MAP1B: variants seen among roughly 807,000 people sequenced by gnomAD.
The protein encoded by MAP1B is microtubule-associated protein 1B.
Under a neutral mutation model 176.1 loss-of-function variants are expected in MAP1B, and 12 were observed. The ratio of observed to expected loss-of-function variants is 0.07; its 90% CI spans 0.04 to 0.11. MAP1B has a LOEUF of 0.11. Among genes scored for constraint, MAP1B ranks in the 10% least tolerant of loss-of-function variants. The pLI is 1.00. For synonymous variants in MAP1B, 1,044 were observed against 1,135.0 expected, an observed-to-expected ratio of 0.92 and a Z score of 1.61; for missense variants, 2,523 against 2,990.5, an observed-to-expected ratio of 0.84 and a Z score of 3.65.
At chr5:72,112,226 A>G (rs1307004851) in intron 1 of MAP1B, among the ~76,000 whole-genome samples, 1 of 152,224 alleles carries the variant, frequency 6.6e-6, no homozygotes, top group African/African-American at 2.4e-5. Context: ...AACTTGCCAA[A>G]GGCCCAAATA....
At chr5:72,160,218 T>TAAAA (rs11402347) in intron 2 of MAP1B, among the ~76,000 whole-genome samples, 1 of 145,792 alleles carries the variant, frequency 6.9e-6, no homozygotes. Flanking sequence ...GTTGGAAACT[T>TAAAA]AAAAAAAAAA....
chr5:72,107,817 C>A, intron 1 of MAP1B, 102 bp downstream of exon 1: 2 of 1,177,430 alleles, frequency 1.7e-6, no homozygotes, highest in Non-Finnish European at 1.2e-6. Context: ...CGCCCCGCAC[C>A]CATGCCTCTC....
At chr5:72,181,050 T>TA (rs1746752822) in intron 2 of MAP1B, among the ~76,000 whole-genome samples, 1 of 152,148 alleles carries the variant, frequency 6.6e-6, no homozygotes, top group South Asian at 2.1e-4. Context: ...CTTTCGACAG[T>TA]AAAGGGGGAT....
chr5:72,153,930 C>T (rs1271069394), intron 2 of MAP1B, among the ~76,000 whole-genome samples: 2 of 151,970 alleles, frequency 1.3e-5, no homozygotes, highest in Non-Finnish European at 1.5e-5. Context: ...TTCCCTAGGT[C>T]GGGAAGATGA....
In MAP1B at chr5:72,200,251, C is replaced by T. The variant is rs1384907244; in HGVS notation, c.6896C>T (p.Ala2299Val). ...SPKKKESVEK[A>V]AKPTTTPEVK... ...AAGAAGAAAGAATCTGTGGAAAAGG[C>T]AGCAAAACCCACCACCACTCCTGAG... The change falls in exon 5 of 7, where the codon GCA becomes GTA. Residue 2299 changes from alanine (A) to valine (V), a missense_variant. Ala to Val is a moderately conservative substitution (Grantham distance 64). Coordinates refer to ENST00000296755, the MANE Select transcript of MAP1B (RefSeq NM_005909.5). 6.2e-7 allele frequency: 1 copy of T among 1,614,184 alleles called. No individual in the cohort carries two copies. Among genetic ancestry groups the T allele is most frequent in the Non-Finnish European group, 8.5e-7 (1 of 1,180,026 alleles).
intron 2 of MAP1B, among the ~76,000 whole-genome samples, chr5:72,171,424 C>T (rs1746538903): frequency 6.6e-6 from 1 of 151,786 alleles, no homozygotes; most frequent in African/African-American, 2.4e-5. Flanking sequence ...CCCATCTCTA[C>T]AAAAAACAGA....
chr5:72,167,140 A>G (rs1452217500), intron 2 of MAP1B, among the ~76,000 whole-genome samples: 5 of 152,142 alleles, frequency 3.3e-5, no homozygotes, highest in Admixed American at 6.5e-5. Context: ...GAAACAGGGG[A>G]TCCAAATTTA....
intron 2 of MAP1B, among the ~76,000 whole-genome samples, chr5:72,141,983 GC>G (rs1178990600): frequency 6.6e-6 from 1 of 152,126 alleles, no homozygotes; most frequent in Non-Finnish European, 1.5e-5. Flanking sequence ...CTGCAGAGAG[GC>G]CCAGAGGCTA....
At position 72,186,719 on chromosome 5, in the gene MAP1B, T is replaced by G. The variant is rs1323148221; in HGVS notation, c.475T>G (p.Phe159Val). Residue 159 changes from phenylalanine to valine, a missense_variant, in exon 4 of 7, where the codon TTC (phenylalanine) becomes GTC (valine). This residue lies in a region of MAP1B where 307 missense variants were observed against 438.4 expected (regional missense o/e 0.70). Transcript: ENST00000296755. The surrounding 1 kb of genome is among the most constrained non-coding windows in gnomAD (Gnocchi z 4.3). Reference protein sequence around the residue: ...ELILQSGSFSFQNFIEIFTDQ... With the variant: ...ELILQSGSFSVQNFIEIFTDQ... ...CATTCTCCAGTCCGGCTCTTTCTCC[T>G]TCCAGAACTTCATAGAGATTTTCAC... 4 of 1,614,058 alleles carry G rather than the reference T, an allele frequency of 2.5e-6. No homozygotes were observed. In the African/African-American group the frequency reaches 5.3e-5, roughly 22 times the overall value.
Position 72,204,519 on chromosome 5 carries a change from A to G in MAP1B, c.7252-565A>G, listed in dbSNP as rs2111902271. Among the ~76,000 whole-genome samples, 1 of 152,324 alleles carries G rather than the reference A, an allele frequency of 6.6e-6. No individual in the cohort carries two copies. Among genetic ancestry groups the G allele is most frequent in the Admixed American group, 6.5e-5 (1 of 15,298 alleles). Reference sequence around the variant, plus strand: ...ATTATATAGAATTACTTGTTATTTAATCATATGAAATCTAATGAGAGGCAC... The same window carrying G: ...ATTATATAGAATTACTTGTTATTTAGTCATATGAAATCTAATGAGAGGCAC... On this transcript the variant is annotated intron_variant, in intron 6 of 6. Coordinates refer to ENST00000296755, the MANE Select transcript of MAP1B (RefSeq NM_005909.5). The surrounding 1 kb of genome is among the most constrained non-coding windows in gnomAD (Gnocchi z 4.4).
intron 2 of MAP1B, among the ~76,000 whole-genome samples, chr5:72,156,763 A>G (rs565177005): frequency 2.6e-5 from 4 of 152,292 alleles, no homozygotes; most frequent in East Asian, 1.9e-4. Flanking sequence ...CGTGCACAAT[A>G]TGGGAAGCAG....
intron 6 of MAP1B, 137 bp downstream of exon 6, chr5:72,203,938 G>A (rs1018779650): frequency 3.1e-5 from 21 of 680,388 alleles, no homozygotes; most frequent in African/African-American, 2.5e-4. Flanking sequence ...TGTCACACAC[G>A]AAATATCCTG....
At chr5:72,157,738 A>C (rs1040180235) in intron 2 of MAP1B, among the ~76,000 whole-genome samples, 5 of 152,264 alleles carry the variant, frequency 3.3e-5, no homozygotes, top group Non-Finnish European at 7.3e-5. Context: ...AGCAAAGCCC[A>C]AAACCTTCCA....
intron 2 of MAP1B, among the ~76,000 whole-genome samples, chr5:72,122,743 ACAGGCATAGG>A (rs1745553405): frequency 6.6e-6 from 1 of 151,642 alleles, no homozygotes; most frequent in Admixed American, 6.6e-5. Flanking sequence ...CTCAGCATAG[ACAGGCATAGG>A]CAGGAAGGTA....
intron 4 of MAP1B, 104 bp from the exon 5 acceptor site, chr5:72,193,762 T>G (rs1747081188): frequency 7.7e-7 from 1 of 1,290,718 alleles, no homozygotes; most frequent in Non-Finnish European, 1.0e-6. Flanking sequence ...TGGTCCTATG[T>G]GCATCCTGTG....
chr5:72,153,168 A>C (rs1243314556), intron 2 of MAP1B, among the ~76,000 whole-genome samples: 1 of 151,970 alleles, frequency 6.6e-6, no homozygotes, highest in Non-Finnish European at 1.5e-5. Context: ...TTTTGCACAG[A>C]TTTGTCTTTT....
intron 2 of MAP1B, among the ~76,000 whole-genome samples, chr5:72,157,526 A>C (rs1029398813): frequency 2.6e-5 from 4 of 152,244 alleles, no homozygotes; most frequent in Non-Finnish European, 5.9e-5. Flanking sequence ...TCCCGGGGAC[A>C]GGGAGCCATG....
At chr5:72,133,352 T>C (rs911433178) in intron 2 of MAP1B, among the ~76,000 whole-genome samples, 1 of 152,224 alleles carries the variant, frequency 6.6e-6, no homozygotes, top group Non-Finnish European at 1.5e-5. Context: ...GGTGAGGCGC[T>C]GGAGGCGGGA....
rs1188302626 is a variant in MAP1B, at chr5:72,189,920, C to A, written c.510+3166C>A. ...AGAGGTATTTGAAGCCCAGAAGACA[C>A]ATGATGTGACCTAGAGTGAGAAACA... On this transcript the variant is annotated intron_variant, in intron 4 of 6. Transcript: ENST00000296755. Among the ~76,000 whole-genome samples, 16 of 152,172 alleles carry A rather than the reference C, an allele frequency of 1.1e-4. 1 individual carries two copies. The highest frequency in any genetic ancestry group is 9.8e-4 in the Admixed American group (15 of 15,278).
Sources: allele counts gnomAD v4.1 joint callset (sites outside exome capture counted in the v4.1 genomes callset), GRCh38; gene constraint gnomAD v4.1.1; regional missense constraint gnomAD v4.1.1; non-coding constraint Gnocchi (gnomAD v3.1); transcripts MANE v1.5; gene names NCBI Gene and HGNC (gene_info 2026-07-23, HGNC 2026-07-21).